Variants in PCDH7 observed in about 807,000 individuals in gnomAD.
PCDH7 encodes protocadherin 7.
In PCDH7, 17 loss-of-function variants were observed where a neutral mutation model predicts 58.9. The ratio of observed to expected loss-of-function variants is 0.29; its 90% CI spans 0.20 to 0.43. The LOEUF (loss-of-function observed/expected upper bound fraction) is 0.43. PCDH7 is among the 20% of genes least tolerant of loss of function. The probability of loss-of-function intolerance (pLI) is 1.00; values close to 1 mark genes in which losing one functional copy is unlikely to be tolerated. For missense variants in PCDH7, 1,274 were observed against 1,441.0 expected (o/e 0.88, Z 1.88); for synonymous variants, 664 against 616.4 (o/e 1.08, Z -1.14).
intron 3 of PCDH7, among the ~76,000 whole-genome samples, chr4:31,038,490 G>T (rs1755591987): frequency 6.6e-6 from 1 of 151,976 alleles, no homozygotes; most frequent in Non-Finnish European, 1.5e-5. Flanking sequence ...GATGGAATAA[G>T]AAATTATAAA....
intron 3 of PCDH7, among the ~76,000 whole-genome samples, chr4:31,088,687 G>C (rs1312082818): frequency 6.6e-6 from 1 of 151,904 alleles, no homozygotes; most frequent in Non-Finnish European, 1.5e-5. Flanking sequence ...TTATTGCTGA[G>C]TCTTTTAAAA....
At chr4:30,936,062 C>A (rs1428216147) in intron 2 of PCDH7, among the ~76,000 whole-genome samples, 3 of 151,942 alleles carry the variant, frequency 2.0e-5, no homozygotes, top group Non-Finnish European at 4.4e-5. Context: ...AAGTGGATAA[C>A]CTATCCATCA....
At chr4:30,751,785 A>G (rs923338436) in intron 1 of PCDH7, among the ~76,000 whole-genome samples, 1 of 152,198 alleles carries the variant, frequency 6.6e-6, no homozygotes, top group Non-Finnish European at 1.5e-5. Context: ...CTTAATAAAT[A>G]TATTTTAATA....
intron 1 of PCDH7, among the ~76,000 whole-genome samples, chr4:30,729,108 C>T (rs772521256): frequency 5.9e-5 from 9 of 151,718 alleles, no homozygotes; most frequent in Non-Finnish European, 1.2e-4. Flanking sequence ...GACTGAGGCC[C>T]AGCATGAAAC....
At chr4:31,010,277 A>G (rs996990220) in intron 3 of PCDH7, among the ~76,000 whole-genome samples, 1 of 152,130 alleles carries the variant, frequency 6.6e-6, no homozygotes, top group South Asian at 2.1e-4. Flanking sequence ...AACTTAATGA[A>G]AATCAAAGGT....
At chr4:31,022,080 C>G (rs1254604191) in intron 3 of PCDH7, among the ~76,000 whole-genome samples, 1 of 152,008 alleles carries the variant, frequency 6.6e-6, no homozygotes, top group African/African-American at 2.4e-5. Context: ...CTTTGAATTA[C>G]CTTTTAAGGA....
At chr4:30,932,104 T>A (rs1744676623) in intron 2 of PCDH7, among the ~76,000 whole-genome samples, 1 of 152,346 alleles carries the variant, frequency 6.6e-6, no homozygotes, top group East Asian at 1.9e-4. Context: ...GATTTTAAGA[T>A]TCTTGACATT....
chr4:30,828,668 G>A (rs1163969243), intron 1 of PCDH7, among the ~76,000 whole-genome samples: 2 of 152,056 alleles, frequency 1.3e-5, no homozygotes, highest in South Asian at 2.1e-4. Context: ...GGTTCCGAGA[G>A]CATGGTTCTC....
chr4:30,891,829 T>G (rs1291743619), intron 1 of PCDH7, among the ~76,000 whole-genome samples: 1 of 151,688 alleles, frequency 6.6e-6, no homozygotes, highest in Non-Finnish European at 1.5e-5. Flanking sequence ...GTCCATTGTA[T>G]AAGTTACTCC....
chr4:30,976,441 C>T (rs2109479922), intron 3 of PCDH7, among the ~76,000 whole-genome samples: 2 of 146,184 alleles, frequency 1.4e-5, no homozygotes, highest in Middle Eastern at 7.4e-3. Flanking sequence ...CACCCTGTCG[C>T]CCAGGTTGGA....
At chr4:30,759,159 C>A (rs1233423001) in intron 1 of PCDH7, among the ~76,000 whole-genome samples, 1 of 152,048 alleles carries the variant, frequency 6.6e-6, no homozygotes, top group African/African-American at 2.4e-5. Context: ...CCAGGCTGGT[C>A]TTGAACTCCT....
At chr4:31,144,816 A>C (rs1054140329), downstream of PCDH7, 1 of 152,140 alleles carries the variant, frequency 6.6e-6, no homozygotes, top group Non-Finnish European at 1.5e-5. Flanking sequence ...GAAACAAAAA[A>C]CATTGGACTA....
At chr4:31,101,396 C>T (rs1335906776) in intron 3 of PCDH7, among the ~76,000 whole-genome samples, 2 of 151,924 alleles carry the variant, frequency 1.3e-5, no homozygotes, top group Non-Finnish European at 2.9e-5. Context: ...TAAATTATAC[C>T]TGTAAGTATA....
rs73815124 is a variant in PCDH7, at chr4:30,982,618, A to G, written c.*7+32403A>G. 2.8e-3 allele frequency among the ~76,000 whole-genome samples: 433 copies of G among 152,292 alleles called. 2 individuals carry two copies. The highest frequency in any genetic ancestry group is 0.01 in the African/African-American group (416 of 41,576). ...TTCCTCCTTTTCAAAATAATTAACA[A>G]AACAACTCTTAACCCATTGTGTAAT... On this transcript the variant is annotated intron_variant, in intron 3 of 3. Transcript: ENST00000509759.
rs571009325 is a variant in PCDH7 at position 30,992,294 on chromosome 4, A to G, written c.*7+42079A>G. Among the ~76,000 whole-genome samples the G allele has an allele frequency of 4.6e-4, 70 of 152,338 alleles. No individual in the cohort carries two copies. In the South Asian group the frequency reaches 0.014, roughly 30 times the overall value. ...AAACTTTTATTCTTTATGGTGGCTC[A>G]CAATGGATAATTCCCAATCCAGCTG... is the stretch of plus-strand genomic sequence containing the variant. On this transcript the variant is annotated intron_variant, in intron 3 of 3. Coordinates refer to the PCDH7 transcript ENST00000509759.
intron 1 of PCDH7, among the ~76,000 whole-genome samples, chr4:30,813,110 T>A (rs961315241): frequency 3.3e-5 from 5 of 152,194 alleles, no homozygotes; most frequent in African/African-American, 1.2e-4. Flanking sequence ...CTGTGTATGG[T>A]GCGTCATATT....
At chr4:31,114,395 T>C (rs1716731483) in intron 3 of PCDH7, among the ~76,000 whole-genome samples, 1 of 152,146 alleles carries the variant, frequency 6.6e-6, no homozygotes, top group Non-Finnish European at 1.5e-5. Flanking sequence ...GTATATTACC[T>C]TGAAATAAAC....
At chr4:30,760,325 G>T (rs762519488) in intron 1 of PCDH7, among the ~76,000 whole-genome samples, 1 of 152,160 alleles carries the variant, frequency 6.6e-6, no homozygotes, top group African/African-American at 2.4e-5. Flanking sequence ...AGCCCTTCAA[G>T]AGGTCACTCT....
intron 3 of PCDH7, among the ~76,000 whole-genome samples, chr4:31,023,436 C>G (rs544458428): frequency 1.3e-5 from 2 of 152,294 alleles, no homozygotes; most frequent in South Asian, 4.1e-4. Flanking sequence ...GTCAGACAGA[C>G]CTGAATCAAA....
Sources: gnomAD v4.1 joint callset for allele counts (sites outside exome capture counted in the v4.1 genomes callset) on GRCh38, gnomAD v4.1.1 for gene constraint, MANE v1.5 for transcripts, NCBI Gene and HGNC (gene_info 2026-07-23, HGNC 2026-07-21) for gene names.